SPNS3: variants seen among roughly 807,000 people sequenced by gnomAD.
The protein encoded by SPNS3 is SPNS lysolipid transporter 3, sphingosine-1-phosphate (putative).
In SPNS3, 51 loss-of-function variants were observed where a neutral mutation model predicts 54.4. That is an observed-to-expected ratio of 0.94 (90% CI 0.75 to 1.18). The LOEUF is 1.18. SPNS3 is among the 50% of genes most tolerant of loss of function. SPNS3 has a pLI of 0.00. For synonymous variants in SPNS3, 309 were observed against 294.7 expected (o/e 1.05, Z -0.50); for missense variants, 669 against 677.4 (o/e 0.99, Z 0.14).
At chr17:4,436,789 G>A (rs1970728130) in intron 1 of SPNS3, among the ~76,000 whole-genome samples, 1 of 152,230 alleles carries the variant, frequency 6.6e-6, no homozygotes, top group African/African-American at 2.4e-5. Context: ...GAGCCAGGGA[G>A]TCAGTTCAGA....
intron 1 of SPNS3, among the ~76,000 whole-genome samples, chr17:4,435,457 A>AT (rs1452887402): frequency 0.015 from 2,314 of 149,536 alleles, 43 homozygotes; most frequent in African/African-American, 0.038. Context: ...AAAAAAATAA[A>AT]AAATAAAAAA....
intron 5 of SPNS3, among the ~76,000 whole-genome samples, chr17:4,447,935 G>A (rs1971041063): frequency 6.6e-6 from 1 of 152,186 alleles, no homozygotes; most frequent in Non-Finnish European, 1.5e-5. Flanking sequence ...GTCCCAAAGA[G>A]TCTCCACTCC....
intron 7 of SPNS3, among the ~76,000 whole-genome samples, chr17:4,452,597 A>G (rs914111068): frequency 3.9e-5 from 6 of 152,018 alleles, no homozygotes; most frequent in Non-Finnish European, 7.4e-5. Context: ...GCTTCCCTCC[A>G]TTCCTCTTAG....
rs140121510 is a variant in SPNS3 at position 4,486,505 on chromosome 17, G to A, written c.1372G>A (p.Ala458Thr). Residue 458 changes from alanine to threonine, a missense_variant, in exon 11 of 12, where the codon GCC becomes ACC. Physicochemically the swap from Ala to Thr is moderately conservative, Grantham distance 58. Transcript: ENST00000355530. The surrounding 1 kb of genome is among the most constrained non-coding windows in gnomAD (Gnocchi z 5.5). ...QSFLCCAFVIALGGGCFLLTA... is the reference protein window; with the variant it reads ...QSFLCCAFVITLGGGCFLLTA... ...CTTCCTGTGCTGCGCCTTTGTCATC[G>A]CCCTGGGGGGCGGCTGCTTCCTGCT... is the stretch of plus-strand genomic sequence containing the variant. The A allele has an allele frequency of 6.5e-4, 1,047 of 1,613,616 alleles. No individual in the cohort carries two copies. The highest frequency in any genetic ancestry group is 1.8e-3 in the Middle Eastern group (11 of 6,056).
Position 4,483,941 on chromosome 17 carries a change from C to G in SPNS3, c.1180-2287C>G, listed in dbSNP as rs574702310. 6.6e-6 allele frequency among the ~76,000 whole-genome samples: 1 copy of G among 152,366 alleles called. No individual in the cohort carries two copies. Among genetic ancestry groups the G allele is most frequent in the African/African-American group, 2.4e-5 (1 of 41,580 alleles). On this transcript the variant is annotated intron_variant, in intron 9 of 11. Transcript: ENST00000355530. This position sits in a 1 kb window ranked among gnomAD's most constrained non-coding sequence, Gnocchi z 4.2. The stretch of plus-strand genomic sequence containing the variant: ...CACCGTCGCTTACACTGTCCCCTGC[C>G]TGGAATGCCTTTCCCCGTCTCTTTG...
At chr17:4,448,698 G>A (rs1971071890) in intron 6 of SPNS3, among the ~76,000 whole-genome samples, 1 of 152,214 alleles carries the variant, frequency 6.6e-6, no homozygotes, top group Non-Finnish European at 1.5e-5. Context: ...AAGCCTCATG[G>A]CGTGCATGAT....
chr17:4,481,957 C>G (rs1330176231), intron 9 of SPNS3: 1 of 151,854 alleles, frequency 6.6e-6, no homozygotes, highest in South Asian at 2.1e-4. Context: ...GGTGCGATCT[C>G]AGCTCACTGC....
intron 8 of SPNS3, among the ~76,000 whole-genome samples, chr17:4,458,074 A>G (rs1971362406): frequency 1.3e-5 from 2 of 149,922 alleles, no homozygotes; most frequent in African/African-American, 2.5e-5. Flanking sequence ...CCTGAGATTC[A>G]GGCTCCAGTT....
chr17:4,453,986 C>A lies in SPNS3; in HGVS notation c.1113+781C>A, dbSNP rs148481867. ...CGTGTGGGCACACACACTTCCCAGA[C>A]TTTGCACGCGTCCATTTCTTCCACC... On this transcript the variant is annotated intron_variant, in intron 8 of 11. Transcript: ENST00000355530. Among the ~76,000 whole-genome samples the A allele has an allele frequency of 6.0e-3, 915 of 152,340 alleles. 8 individuals carry two copies. Among genetic ancestry groups the A allele is most frequent in the African/African-American group, 0.02 (843 of 41,584 alleles).
chr17:4,440,011 T>G (rs1027325542), intron 2 of SPNS3, among the ~76,000 whole-genome samples: 1 of 152,134 alleles, frequency 6.6e-6, no homozygotes, highest in African/African-American at 2.4e-5. Flanking sequence ...TTCCTTCCCT[T>G]CGTGTTGGTG....
chr17:4,448,276 G>T lies in SPNS3; in HGVS notation c.743G>T (p.Cys248Phe). ...GTGGGAGGCTTCAGGAGCAGCTGGT[G>T]TGAGGACGTCAGATACCTGGGGAAA... The part of the protein sequence containing the change: ...GAVGGFRSSW[C>F]EDVRYLGKNW... Residue 248 changes from cysteine (C) to phenylalanine (F), a missense_variant, in exon 6 of 12, where the codon TGT becomes TTT. Coordinates refer to ENST00000355530, the MANE Select transcript of SPNS3 (RefSeq NM_182538.5). 1 of 1,585,908 alleles carries T rather than the reference G, an allele frequency of 6.3e-7. No homozygotes were observed. Among genetic ancestry groups the T allele is most frequent in the Non-Finnish European group, 8.6e-7 (1 of 1,167,626 alleles).
intron 8 of SPNS3, among the ~76,000 whole-genome samples, chr17:4,453,922 C>T (rs907013318): frequency 6.6e-6 from 1 of 152,236 alleles, no homozygotes; most frequent in Non-Finnish European, 1.5e-5. Flanking sequence ...CACATCCCAT[C>T]ACACCCCTTC....
In SPNS3 at chr17:4,487,833, G is replaced by A. The variant is rs377644736; in HGVS notation, c.1478G>A (p.Ser493Asn). The A allele has an allele frequency of 6.2e-7, 1 of 1,614,130 alleles. No homozygotes were observed. The highest frequency in any genetic ancestry group is 1.1e-5 in the South Asian group (1 of 91,090). The change falls in exon 12 of 12, where the codon AGC (serine) becomes AAC (asparagine). Residue 493 changes from serine (S) to asparagine (N), a missense_variant. Coordinates refer to ENST00000355530, the MANE Select transcript of SPNS3 (RefSeq NM_182538.5). ...TGTPDSNDVD[S>N]NDLERQGLLS... is the part of the protein sequence containing the mutation. ...ACCCCAGACAGCAATGATGTGGACA[G>A]CAACGACCTGGAGAGACAAGGCCTA... is the stretch of plus-strand genomic sequence containing the variant.
intron 8 of SPNS3, among the ~76,000 whole-genome samples, chr17:4,459,983 T>A (rs12952330): frequency 0.94 from 143,438 of 152,192 alleles, 68,626 homozygotes; most frequent in African/African-American, 0.99. Flanking sequence ...GAGAGACCTC[T>A]CTGAGAAGGT....
Position 4,453,149 on chromosome 17 carries a change from G to A in SPNS3, c.1057G>A (p.Ala353Thr). The change falls in exon 8 of 12, where the codon GCC becomes ACC. Residue 353 changes from alanine to threonine, a missense_variant. By Grantham distance (58) the Ala-to-Thr change is moderately conservative (BLOSUM62 0). Transcript: ENST00000355530. ...CTGCGCCTCCAGCCTGCTTGCCACA[G>A]CCCCCTGCCTCTACCTGGCTCTCGT... ...LICASSLLAT[A>T]PCLYLALVLA... The A allele has an allele frequency of 6.2e-7, 1 of 1,613,942 alleles. No homozygotes were observed.
chr17:4,470,270 A>G (rs1446304826), intron 8 of SPNS3, among the ~76,000 whole-genome samples: 1 of 152,074 alleles, frequency 6.6e-6, no homozygotes, highest in Non-Finnish European at 1.5e-5. Context: ...CTCTACTAAA[A>G]ATACAAAAAT....
intron 1 of SPNS3, among the ~76,000 whole-genome samples, chr17:4,434,477 TAGTG>T (rs200737715): frequency 0.014 from 2,055 of 151,546 alleles, 22 homozygotes; most frequent in Non-Finnish European, 0.024. Flanking sequence ...CTGGACAACA[TAGTG>T]AGACTCTGTC....
intron 8 of SPNS3, among the ~76,000 whole-genome samples, chr17:4,469,616 A>T (rs1455637601): frequency 5.1e-5 from 6 of 117,064 alleles, no homozygotes; most frequent in Non-Finnish European, 1.0e-4. Context: ...GAGAGACTCC[A>T]TCTCAAAAAA....
chr17:4,461,342 CTTTCTTTTCT>C (rs1567565532), intron 8 of SPNS3, among the ~76,000 whole-genome samples: 5 of 90,754 alleles, frequency 5.5e-5, no homozygotes, highest in East Asian at 2.7e-4. Flanking sequence ...CTATTATTTG[CTTTCTTTTCT>C]TTTCTTTTCT....
Sources: gnomAD v4.1 joint callset for allele counts (sites outside exome capture counted in the v4.1 genomes callset) on GRCh38, gnomAD v4.1.1 for gene constraint, Gnocchi (gnomAD v3.1) non-coding constraint, MANE v1.5 for transcripts, NCBI Gene and HGNC (gene_info 2026-07-23, HGNC 2026-07-21) for gene names.